The following UGGT1 variants were observed in gnomAD, a reference collection of about 807,000 sequenced individuals.
The protein encoded by UGGT1 is UDP-glucose glycoprotein glucosyltransferase 1.
UGGT1 carries 107 observed loss-of-function variants against 203.9 expected under a neutral mutation model. The observed-to-expected ratio is 0.52, with a 90% CI of 0.45 to 0.62. The LOEUF (loss-of-function observed/expected upper bound fraction) is 0.62, where lower values mean the gene tolerates loss of function less well. Ranked by LOEUF, UGGT1 falls within the 20% of genes least tolerant of loss-of-function variation. UGGT1 has a pLI of 0.00. For missense variants in UGGT1, 1,673 were observed against 1,867.2 expected (o/e 0.90, Z 1.92); for synonymous variants, 628 against 653.5 (o/e 0.96, Z 0.59).
At chr2:128,188,953 C>A (rs951274994) in intron 40 of UGGT1, among the ~76,000 whole-genome samples, 6 of 152,126 alleles carry the variant, frequency 3.9e-5, no homozygotes, top group Non-Finnish European at 8.8e-5. Context: ...TCAGTAAAAC[C>A]CTGAGGATTT....
At chr2:128,131,815 A>G (rs947276180) in intron 13 of UGGT1, among the ~76,000 whole-genome samples, 11 of 152,026 alleles carry the variant, frequency 7.2e-5, no homozygotes, top group Non-Finnish European at 1.6e-4. Flanking sequence ...TTTAATAGAG[A>G]TGGGGCTTTC....
intron 28 of UGGT1, 170 bp downstream of exon 28, chr2:128,171,454 A>G (rs17178432): frequency 1.6e-6 from 1 of 634,310 alleles, no homozygotes; most frequent in Admixed American, 3.3e-5. Context: ...TTCTAAGAAC[A>G]TAGTGTGTTT....
chr2:128,118,441 T>C (rs1181734900), intron 8 of UGGT1, among the ~76,000 whole-genome samples: 1 of 152,160 alleles, frequency 6.6e-6, no homozygotes, highest in Non-Finnish European at 1.5e-5. Context: ...AATTTTCAAA[T>C]GTTTTGTAGA....
In UGGT1 at chr2:128,173,859, C is replaced by T; in HGVS notation, c.3373C>T (p.Gln1125Ter). 6.2e-7 allele frequency: 1 copy of T among 1,614,176 alleles called. No homozygotes were observed. Among genetic ancestry groups the T allele is most frequent in the South Asian group, 1.1e-5 (1 of 91,086 alleles). Reference sequence around the variant, plus strand: ...TCATTGCTACGACATCACCACAGGCCAGCCTCCACGGGGACTACAGTTTAC... The same window carrying T: ...TCATTGCTACGACATCACCACAGGCTAGCCTCCACGGGGACTACAGTTTAC... ...EGHCYDITTG[Q>*]PPRGLQFTLG... is the part of the protein sequence containing the mutation. The change falls in exon 30 of 41, where the codon CAG (glutamine) becomes TAG (stop). Residue 1125 changes from glutamine to a stop codon, truncating the protein, a stop_gained. Coordinates refer to ENST00000259253, the MANE Select transcript of UGGT1 (RefSeq NM_020120.4). LOFTEE classifies it high-confidence loss of function.
chr2:128,115,417 T>C (rs544370353), intron 7 of UGGT1, among the ~76,000 whole-genome samples, 197 bp downstream of exon 7: 39 of 148,830 alleles, frequency 2.6e-4, no homozygotes, highest in Non-Finnish European at 5.0e-4. Flanking sequence ...CAGGTAATGA[T>C]ACATGTCTCT....
chr2:128,157,153 G>A lies in UGGT1; in HGVS notation c.2261-99G>A, dbSNP rs112786732. ...CTTGTCATTTTCTTCTTTTTGCATG[G>A]TTCTTACAAATTATTTGGTCAATTT... On this transcript the variant is annotated intron_variant, in intron 21 of 40. Transcript: ENST00000259253. 2.7e-3 allele frequency: 2,305 copies of A among 860,086 alleles called. 42 individuals are homozygous for A. In the African/African-American group the frequency reaches 0.031, roughly 12 times the overall value. The allele number at this position is 860,086 out of a possible 1,614,324, so 53.3% of individuals were successfully genotyped here.
chr2:128,161,386 T>TA, intron 25 of UGGT1, 118 bp downstream of exon 25: 1 of 1,190,656 alleles, frequency 8.4e-7, no homozygotes, highest in East Asian at 2.5e-5. Context: ...ATTTCCAGTT[T>TA]AAAATCTAAT....
At chr2:128,156,229 T>C (rs1690218681) in intron 20 of UGGT1, among the ~76,000 whole-genome samples, 163 bp from the exon 21 acceptor site, 1 of 152,230 alleles carries the variant, frequency 6.6e-6, no homozygotes, top group Non-Finnish European at 1.5e-5. Flanking sequence ...TTAAAGAAAC[T>C]GTTTCTTAGG....
chr2:128,148,527 G>A (rs758463988), intron 18 of UGGT1, among the ~76,000 whole-genome samples: 1 of 152,192 alleles, frequency 6.6e-6, no homozygotes, highest in Non-Finnish European at 1.5e-5. Context: ...AAGGGTCTCT[G>A]TGTTGTGTTG....
intron 6 of UGGT1, 41 bp from the exon 7 acceptor site, chr2:128,115,083 A>C: frequency 1.1e-5 from 17 of 1,576,200 alleles, no homozygotes; most frequent in East Asian, 2.2e-5. Flanking sequence ...TGACATAGAA[A>C]GAGCTAGGTG....
intron 17 of UGGT1, among the ~76,000 whole-genome samples, chr2:128,145,491 C>T (rs1206344049): frequency 1.0e-5 from 1 of 99,998 alleles, no homozygotes; most frequent in Non-Finnish European, 2.2e-5. Context: ...CTGTGCTACA[C>T]ACACACACAA....
intron 29 of UGGT1, 61 bp from the exon 30 acceptor site, chr2:128,173,720 C>T (rs1349516090): frequency 3.8e-6 from 6 of 1,569,238 alleles, no homozygotes; most frequent in East Asian, 2.3e-5. Flanking sequence ...TTGCATAATG[C>T]ATTTCAGATT....
At chr2:128,108,130 C>T (rs756433238) in intron 4 of UGGT1, 62 bp downstream of exon 4, 50 of 1,556,232 alleles carry the variant, frequency 3.2e-5, no homozygotes, top group Non-Finnish European at 4.2e-5. Context: ...ATGGATGGAC[C>T]CCAGTTGTCC....
intron 1 of UGGT1, among the ~76,000 whole-genome samples, chr2:128,091,804 A>G (rs763399401): frequency 4.0e-5 from 6 of 151,884 alleles, no homozygotes; most frequent in African/African-American, 7.3e-5. Flanking sequence ...ATAGATTTCA[A>G]TTTTTCCTAA....
chr2:128,156,508 C>T, intron 21 of UGGT1, 93 bp downstream of exon 21: 2 of 963,166 alleles, frequency 2.1e-6, no homozygotes, highest in South Asian at 1.5e-5. Flanking sequence ...CTTAATTGTA[C>T]TGTTTCCGGA....
At chr2:128,149,970 A>G (rs1336487358) in intron 18 of UGGT1, among the ~76,000 whole-genome samples, 3 of 152,190 alleles carry the variant, frequency 2.0e-5, no homozygotes, top group African/African-American at 7.2e-5. Context: ...CTCAAAAAAT[A>G]TATAAGTAAA....
chr2:128,172,637 C>A lies in UGGT1; in HGVS notation c.3169C>A (p.Pro1057Thr). Residue 1057 changes from proline (P) to threonine (T), a missense_variant, in exon 29 of 41, where the codon CCA (proline) becomes ACA (threonine). This residue lies in a region of UGGT1 where 513 missense variants were observed against 684.1 expected (regional missense o/e 0.75). Coordinates refer to ENST00000259253, the MANE Select transcript of UGGT1 (RefSeq NM_020120.4). Reference protein sequence around the residue: ...FTSDNSFAKGPIAKFLDMPQS... With the variant: ...FTSDNSFAKGTIAKFLDMPQS... ...TTCAGACAATAGTTTTGCTAAGGGT[C>A]CAATCGCAAAATTTTTGGATATGCC... 6.2e-7 allele frequency: 1 copy of A among 1,614,150 alleles called. No homozygotes were observed. Among genetic ancestry groups the A allele is most frequent in the Non-Finnish European group, 8.5e-7 (1 of 1,180,030 alleles).
intron 39 of UGGT1, 51 bp from the exon 40 acceptor site, chr2:128,187,398 T>A: frequency 6.3e-7 from 1 of 1,578,406 alleles, no homozygotes; most frequent in Non-Finnish European, 8.6e-7. Context: ...GAATTCTCTA[T>A]CATGTGGCCT....
rs144333067 is a variant in UGGT1 at position 128,189,380 on chromosome 2, A to G, written c.4643-337A>G. On this transcript the variant is annotated intron_variant, in intron 40 of 40. Transcript: ENST00000259253. ...GTTTAAACATCCAAGAATGAGCTAC[A>G]CTGATACATAGAAAATGTTTAGATG... Among the ~76,000 whole-genome samples the G allele has an allele frequency of 3.3e-3, 503 of 152,384 alleles. 2 individuals are homozygous for G. The highest frequency in any genetic ancestry group is 0.011 in the African/African-American group (477 of 41,596).
Sources: gnomAD v4.1 joint callset for allele counts (sites outside exome capture counted in the v4.1 genomes callset) on GRCh38, gnomAD v4.1.1 for gene constraint, gnomAD v4.1.1 regional missense constraint, MANE v1.5 for transcripts, NCBI Gene and HGNC (gene_info 2026-07-23, HGNC 2026-07-21) for gene names.